Variants in ATP5F1A observed in about 807,000 individuals in gnomAD.
ATP5F1A encodes ATP synthase F(1) complex subunit alpha, mitochondrial.
Under a neutral mutation model 57.4 loss-of-function variants are expected in ATP5F1A, and 24 were observed. The ratio of observed to expected loss-of-function variants is 0.42; its 90% CI spans 0.30 to 0.59. The LOEUF (loss-of-function observed/expected upper bound fraction) is 0.59. Ranked by LOEUF, ATP5F1A falls within the 20% of genes least tolerant of loss-of-function variation. The pLI is 0.19. For synonymous variants in ATP5F1A, 251 were observed against 255.5 expected, an observed-to-expected ratio of 0.98 and a Z score of 0.17; for missense variants, 494 against 707.9, an observed-to-expected ratio of 0.70 and a Z score of 3.43.
chr18:46,097,746 A>T (rs1355084671), intron 1 of ATP5F1A: 45 of 887,368 alleles, frequency 5.1e-5, no homozygotes, highest in Non-Finnish European at 6.1e-5. Flanking sequence ...ACAATGTCAG[A>T]CTCCACTGAC....
intron 5 of ATP5F1A, 122 bp downstream of exon 5, chr18:46,089,444 A>T: frequency 2.5e-6 from 3 of 1,205,752 alleles, no homozygotes; most frequent in Non-Finnish European, 3.5e-6. Context: ...CTGAAATTTT[A>T]CTATTAATCC....
chr18:46,095,881 T>C (rs1355408354), intron 1 of ATP5F1A, among the ~76,000 whole-genome samples: 3 of 151,768 alleles, frequency 2.0e-5, no homozygotes, highest in East Asian at 4.0e-4. Context: ...AATATATATA[T>C]ACACACACAT....
chr18:46,103,285 T>C (rs1291452657), upstream of ATP5F1A, among the ~76,000 whole-genome samples: 1 of 151,460 alleles, frequency 6.6e-6, no homozygotes. Context: ...CACTCCAGCC[T>C]AAGCGACAGA....
intron 6 of ATP5F1A, chr18:46,087,831 G>A (rs1238327652): frequency 1.1e-5 from 5 of 460,388 alleles, no homozygotes; most frequent in Non-Finnish European, 1.9e-5. Context: ...AGTGAGCTGA[G>A]ATCGTGCCAT....
At chr18:46,084,708 T>A in intron 10 of ATP5F1A, 54 bp from the exon 11 acceptor site, 1 of 1,481,518 alleles carries the variant, frequency 6.7e-7, no homozygotes, top group Non-Finnish European at 8.9e-7. Flanking sequence ...ATGAATGCCA[T>A]GTTACCAAGG....
chr18:46,086,528 T>C, intron 8 of ATP5F1A, 34 bp from the exon 9 acceptor site: 1 of 1,574,002 alleles, frequency 6.4e-7, no homozygotes, highest in Non-Finnish European at 8.7e-7. Flanking sequence ...GCTAGCAAGC[T>C]TAAAGTAAGA....
intron 10 of ATP5F1A, chr18:46,085,152 T>C (rs933417837): frequency 5.3e-5 from 8 of 151,774 alleles, no homozygotes; most frequent in Non-Finnish European, 1.0e-4. Flanking sequence ...CCGGGCATGG[T>C]AACTCACACC....
upstream of ATP5F1A, among the ~76,000 whole-genome samples, chr18:46,102,830 C>G (rs553802750): frequency 1.9e-3 from 289 of 152,190 alleles, no homozygotes; most frequent in Non-Finnish European, 3.7e-3. Flanking sequence ...CGCCTATAGT[C>G]CCAGCTACTA....
intron 2 of ATP5F1A, among the ~76,000 whole-genome samples, chr18:46,094,030 C>T (rs762939244): frequency 3.3e-5 from 5 of 151,822 alleles, no homozygotes; most frequent in Non-Finnish European, 7.4e-5. Context: ...TCACTTGAAC[C>T]CGTGAGGCAG....
chr18:46,090,866 A>C (rs1023145526), intron 3 of ATP5F1A, among the ~76,000 whole-genome samples: 5 of 152,216 alleles, frequency 3.3e-5, no homozygotes, highest in Non-Finnish European at 5.9e-5. Context: ...AGAATACTAC[A>C]TATTTCCAAT....
intron 3 of ATP5F1A, among the ~76,000 whole-genome samples, 182 bp from the exon 4 acceptor site, chr18:46,090,178 T>C (rs538684176): frequency 2.0e-5 from 3 of 152,194 alleles, no homozygotes; most frequent in Admixed American, 6.5e-5. Flanking sequence ...ACTTTTAAAA[T>C]TGCTATTTTG....
In ATP5F1A at chr18:46,086,514, G is replaced by A. The variant is rs369105133; in HGVS notation, c.1177-20C>T. On this transcript the variant is annotated intron_variant, in intron 8 of 11. Coordinates refer to ENST00000398752, the MANE Select transcript of ATP5F1A (RefSeq NM_004046.6). The stretch of plus-strand genomic sequence containing the variant: ...GAAGATCTATAATGTAAGGAAATAC[G>A]CACGCTAGCAAGCTTAAAGTAAGAA... The A allele has an allele frequency of 5.8e-5, 93 of 1,595,538 alleles. No homozygotes were observed. In the African/African-American group the frequency reaches 7.5e-4, roughly 13 times the overall value.
At chr18:46,086,629 G>A (rs957337931) in intron 8 of ATP5F1A, 135 bp from the exon 9 acceptor site, 29 of 760,888 alleles carry the variant, frequency 3.8e-5, no homozygotes, top group Admixed American at 2.0e-4. Flanking sequence ...AATCTTTCAC[G>A]ACCTGACCTG....
At chr18:46,088,086 T>C (rs777906040) in intron 6 of ATP5F1A, 23 bp downstream of exon 6, 1 of 1,586,744 alleles carries the variant, frequency 6.3e-7, no homozygotes, top group South Asian at 1.2e-5. Context: ...ATAATAGCAA[T>C]GGGACTAAAT....
intron 5 of ATP5F1A, 182 bp from the exon 6 acceptor site, chr18:46,088,439 A>G (rs1910288764): frequency 1.9e-6 from 1 of 533,980 alleles, no homozygotes; most frequent in Admixed American, 3.8e-5. Flanking sequence ...CTGTAACCAT[A>G]GCCCCAACCC....
At chr18:46,098,084 G>C in intron 1 of ATP5F1A, 88 bp downstream of exon 1, 2 of 1,477,372 alleles carry the variant, frequency 1.4e-6, no homozygotes, top group Non-Finnish European at 1.8e-6. Context: ...ACAGCCCCTC[G>C]CCCTCCTGCA....
At chr18:46,085,188 G>C (rs1909989793) in intron 10 of ATP5F1A, 1 of 151,920 alleles carries the variant, frequency 6.6e-6, no homozygotes, top group Admixed American at 6.6e-5. Flanking sequence ...TTAGGACTCT[G>C]AGGCGGGTGG....
Position 46,095,026 on chromosome 18 carries a change from G to C in ATP5F1A, c.139+27C>G, listed in dbSNP as rs372098285. 102 of 1,602,368 alleles carry C rather than the reference G, an allele frequency of 6.4e-5. No individual in the cohort carries two copies. The East Asian group carries it at 9.6e-4, about 15-fold the overall frequency. On this transcript the variant is annotated intron_variant, in intron 2 of 11. Transcript: ENST00000398752. Reference sequence around the variant, plus strand: ...ATTTATATCTTCATCTAGTAAGTGCGGCGTAGACTGAGAAATAATAACTTA... The same window carrying C: ...ATTTATATCTTCATCTAGTAAGTGCCGCGTAGACTGAGAAATAATAACTTA...
chr18:46,094,314 T>C (rs1267301181), intron 2 of ATP5F1A, among the ~76,000 whole-genome samples: 4 of 152,130 alleles, frequency 2.6e-5, no homozygotes, highest in Non-Finnish European at 5.9e-5. Context: ...CTCTACTGCA[T>C]CTGTAATGTG....
Sources: gnomAD v4.1 joint callset for allele counts (sites outside exome capture counted in the v4.1 genomes callset) on GRCh38, gnomAD v4.1.1 for gene constraint, MANE v1.5 for transcripts, NCBI Gene and HGNC (gene_info 2026-07-23, HGNC 2026-07-21) for gene names.